Variants in FAM83F observed in about 807,000 individuals in gnomAD.
The protein encoded by FAM83F is protein FAM83F.
In FAM83F, 45 loss-of-function variants were observed where a neutral mutation model predicts 42.9. That is an observed-to-expected ratio of 1.05 (90% CI 0.83 to 1.35). The LOEUF (loss-of-function observed/expected upper bound fraction) is 1.35. Among genes scored for constraint, FAM83F ranks in the 40% most tolerant of loss-of-function variants. The pLI, the probability that FAM83F is intolerant of heterozygous loss-of-function variation, is 0.00. For missense variants in FAM83F, 617 were observed against 695.9 expected (o/e 0.89, Z 1.28); for synonymous variants, 306 against 298.3 (o/e 1.03, Z -0.27).
At chr22:40,014,053 C>T (rs1416469477) in intron 1 of FAM83F, among the ~76,000 whole-genome samples, 1 of 150,166 alleles carries the variant, frequency 6.7e-6, no homozygotes, top group East Asian at 1.9e-4. Flanking sequence ...CTTTATTCTA[C>T]TGGATTTTCT....
At position 40,019,491 on chromosome 22, in the gene FAM83F, A is replaced by T. The variant is rs149872677; in HGVS notation, c.657+156A>T. Among the ~76,000 whole-genome samples, 685 of 152,232 alleles carry T rather than the reference A, an allele frequency of 4.5e-3. 7 individuals are homozygous for T. The highest frequency in any genetic ancestry group is 6.4e-3 in the South Asian group (31 of 4,824). Reference sequence around the variant, plus strand: ...CCTTTTGTTGAAAGTCAAGCCTTTAACCTTGGCTTTACTGTTAACTACTGA... The same window carrying T: ...CCTTTTGTTGAAAGTCAAGCCTTTATCCTTGGCTTTACTGTTAACTACTGA... On this transcript the variant is annotated intron_variant, in intron 2 of 4. Coordinates refer to ENST00000333407, the MANE Select transcript of FAM83F (RefSeq NM_138435.4).
At chr22:40,018,081 C>T (rs1379268422) in intron 1 of FAM83F, among the ~76,000 whole-genome samples, 1 of 152,206 alleles carries the variant, frequency 6.6e-6, no homozygotes, top group African/African-American at 2.4e-5. Flanking sequence ...CTGCATAAAC[C>T]TTGCCTTCCA....
At chr22:40,005,295 T>C (rs1356797804) in intron 1 of FAM83F, among the ~76,000 whole-genome samples, 1 of 152,280 alleles carries the variant, frequency 6.6e-6, no homozygotes, top group Non-Finnish European at 1.5e-5. Flanking sequence ...TAAAAATCGC[T>C]TGTGTATCTT....
At chr22:40,016,815 C>G (rs930806189) in intron 1 of FAM83F, among the ~76,000 whole-genome samples, 8 of 152,052 alleles carry the variant, frequency 5.3e-5, no homozygotes, top group African/African-American at 1.9e-4. Context: ...AGGCACCCGC[C>G]ACCACGCCTG....
At chr22:40,022,428 C>T (rs2067528533) in intron 4 of FAM83F, among the ~76,000 whole-genome samples, 1 of 152,194 alleles carries the variant, frequency 6.6e-6, no homozygotes, top group Admixed American at 6.5e-5. Flanking sequence ...TTTTCCCTTG[C>T]CAGATCACCT....
intron 4 of FAM83F, among the ~76,000 whole-genome samples, chr22:40,024,980 A>G (rs899013325): frequency 1.3e-5 from 2 of 152,076 alleles, no homozygotes. Flanking sequence ...GGCAGAAGCT[A>G]GGCGCCTCTT....
chr22:40,021,092 C>G lies in FAM83F; in HGVS notation c.780-198C>G, dbSNP rs1601770605. On this transcript the variant is annotated intron_variant, in intron 3 of 4. Transcript: ENST00000333407. This position sits in a 1 kb window ranked among gnomAD's most constrained non-coding sequence, Gnocchi z 8.7. ...GCTCTTTCCCTGCACCCACTGCCTG[C>G]TTGCTTCATTTGAGGCCAAGCTCTG... Among the ~76,000 whole-genome samples the G allele has an allele frequency of 6.6e-6, 1 of 152,328 alleles. No homozygotes were observed. The highest frequency in any genetic ancestry group is 2.1e-4 in the South Asian group (1 of 4,826).
rs2067633482 is a variant in FAM83F at position 40,037,758 on chromosome 22, G to A, written c.*8193G>A. ...TTTTTAAGAGATGGGGGTCTCTGTT[G>A]CCAGGTTGGAGTGCAATGACATAAT... On this transcript the variant is annotated 3_prime_UTR_variant, in exon 5 of 5. Transcript: ENST00000333407. The A allele has an allele frequency of 6.6e-6, 1 of 152,146 alleles. No homozygotes were observed. Among genetic ancestry groups the A allele is most frequent in the South Asian group, 2.1e-4 (1 of 4,828 alleles). The allele number at this position is 152,146 out of a possible 1,614,324, so 9.4% of individuals were successfully genotyped here.
intron 1 of FAM83F, among the ~76,000 whole-genome samples, chr22:40,010,965 G>T (rs558980766): frequency 1.3e-5 from 2 of 152,278 alleles, no homozygotes; most frequent in South Asian, 4.2e-4. Context: ...GTTTTGGTTT[G>T]GTTGGTTGGC....
rs2067607780 is a variant in FAM83F at position 40,034,274 on chromosome 22, C to A, written c.*4709C>A. Reference sequence around the variant, plus strand: ...TGCCCAAAGGACGTAGTGGCTGCTGCTGATCGTCTGCACTGCTGTTCCAGG... The same window carrying A: ...TGCCCAAAGGACGTAGTGGCTGCTGATGATCGTCTGCACTGCTGTTCCAGG... On this transcript the variant is annotated 3_prime_UTR_variant, in exon 5 of 5. Coordinates refer to ENST00000333407, the MANE Select transcript of FAM83F (RefSeq NM_138435.4). 6.6e-6 allele frequency: 1 copy of A among 152,298 alleles called. No individual in the cohort carries two copies. The highest frequency in any genetic ancestry group is 2.4e-5 in the African/African-American group (1 of 41,462). The allele number at this position is 152,298 out of a possible 1,614,324, so 9.4% of individuals were successfully genotyped here.
At chr22:40,002,581 C>T (rs76282296) in intron 1 of FAM83F, among the ~76,000 whole-genome samples, 2,171 of 152,266 alleles carry the variant, frequency 0.014, 41 homozygotes, top group African/African-American at 0.05. Context: ...GGATCCCATG[C>T]GGCTGGGAGC....
chr22:40,029,440 C>A, intron 4 of FAM83F, 76 bp from the exon 5 acceptor site: 1 of 1,538,388 alleles, frequency 6.5e-7, no homozygotes, highest in South Asian at 1.2e-5. Context: ...GGACAGCACA[C>A]AGGGTAGGAA....
At chr22:40,019,856 A>C (rs980833758) in intron 2 of FAM83F, 31 bp from the exon 3 acceptor site, 2 of 1,588,332 alleles carry the variant, frequency 1.3e-6, no homozygotes, top group Non-Finnish European at 1.7e-6. Flanking sequence ...GGCCCAACCC[A>C]GGTGACAGGG....
chr22:39,998,264 C>G (rs1012080397), intron 1 of FAM83F, among the ~76,000 whole-genome samples: 12 of 152,198 alleles, frequency 7.9e-5, no homozygotes, highest in African/African-American at 2.7e-4. Context: ...CACGGGGGAA[C>G]TGCCGAGGGG....
chr22:40,026,491 G>T (rs995689982), intron 4 of FAM83F, among the ~76,000 whole-genome samples: 2 of 152,164 alleles, frequency 1.3e-5, no homozygotes, highest in Non-Finnish European at 2.9e-5. Flanking sequence ...CTGCACTCCA[G>T]CCTGGGTGAC....
rs1205391051 is a variant in FAM83F at position 40,021,479 on chromosome 22, CA to C, written c.971del (p.Asn324ThrfsTer17). 1 of 1,601,602 alleles carries C rather than the reference CA, an allele frequency of 6.2e-7. No homozygotes were observed. Among genetic ancestry groups the C allele is most frequent in the African/African-American group, 1.3e-5 (1 of 74,678 alleles). ...CCTCCACTGTGGCTCGAAAGCTTAT[CA>C]ACCCCAAGTACGCCTTGGTGTCAGG... ...YSSTVARKLINPKYALVSGCR... is the reference protein window; with the variant it reads ...YSSTVARKLIXPKYALVSGCR... On this transcript the variant is annotated frameshift_variant, in exon 4 of 5. Coordinates refer to ENST00000333407, the MANE Select transcript of FAM83F (RefSeq NM_138435.4). LOFTEE classifies it high-confidence loss of function. This position sits in a 1 kb window ranked among gnomAD's most constrained non-coding sequence, Gnocchi z 8.7.
At chr22:39,998,833 C>G (rs1365957822) in intron 1 of FAM83F, 3 of 152,178 alleles carry the variant, frequency 2.0e-5, no homozygotes, top group African/African-American at 7.2e-5. Flanking sequence ...AAATGATCTC[C>G]TGACCTATGC....
Position 39,999,673 on chromosome 22 carries a change from C to T in FAM83F, c.489+4142C>T, listed in dbSNP as rs181439912. Among the ~76,000 whole-genome samples, 305 of 152,294 alleles carry T rather than the reference C, an allele frequency of 2.0e-3. 1 individual carries two copies. Among genetic ancestry groups the T allele is most frequent in the Non-Finnish European group, 3.9e-3 (266 of 68,024 alleles). ...GGTCCTTGGTTGGGATTACCAGTGA[C>T]GCCAGTGACCCCATGTGGATTGTAA... On this transcript the variant is annotated intron_variant, in intron 1 of 4. Transcript: ENST00000333407.
chr22:40,011,188 T>G (rs1366789701), intron 1 of FAM83F, among the ~76,000 whole-genome samples: 2 of 152,106 alleles, frequency 1.3e-5, no homozygotes, highest in African/African-American at 4.8e-5. Context: ...GCAGTGTGCT[T>G]TTTTGTTTTG....
Sources: gnomAD v4.1 joint callset for allele counts (sites outside exome capture counted in the v4.1 genomes callset) on GRCh38, gnomAD v4.1.1 for gene constraint, Gnocchi (gnomAD v3.1) non-coding constraint, MANE v1.5 for transcripts, NCBI Gene and HGNC (gene_info 2026-07-23, HGNC 2026-07-21) for gene names.